VAV2: variants seen among roughly 807,000 people sequenced by gnomAD.
The protein encoded by VAV2 is vav guanine nucleotide exchange factor 2.
In VAV2, 67 loss-of-function variants were observed where a neutral mutation model predicts 132.5. The ratio of observed to expected loss-of-function variants is 0.51; its 90% CI spans 0.42 to 0.62. The LOEUF (loss-of-function observed/expected upper bound fraction) is 0.62, where lower values mean the gene tolerates loss of function less well. VAV2 is among the 20% of genes least tolerant of loss of function. VAV2 has a pLI of 0.00. For synonymous variants in VAV2, 492 were observed against 443.5 expected (o/e 1.11, Z -1.37); for missense variants, 938 against 1,153.6 (o/e 0.81, Z 2.71).
At chr9:133,907,642 G>A (rs931523226) in intron 2 of VAV2, among the ~76,000 whole-genome samples, 1 of 152,234 alleles carries the variant, frequency 6.6e-6, no homozygotes, top group Non-Finnish European at 1.5e-5. Flanking sequence ...CTCTGGAGGG[G>A]ACGCTGACAT....
At chr9:133,841,812 G>A (rs1036846271) in intron 3 of VAV2, among the ~76,000 whole-genome samples, 9 of 152,210 alleles carry the variant, frequency 5.9e-5, no homozygotes, top group South Asian at 2.1e-4. Context: ...AAGACCAAGG[G>A]AGATGGTGCA....
chr9:133,780,011 C>G, intron 20 of VAV2, 72 bp from the exon 21 acceptor site: 1 of 1,591,654 alleles, frequency 6.3e-7, no homozygotes, highest in African/African-American at 1.3e-5. Context: ...CATCAACGCA[C>G]CCCGCCCTCC....
chr9:133,960,918 C>T (rs940171551), intron 1 of VAV2, among the ~76,000 whole-genome samples: 6 of 152,190 alleles, frequency 3.9e-5, no homozygotes, highest in African/African-American at 1.2e-4. Flanking sequence ...GAAGGGTGCT[C>T]GAGCCGGCCT....
At chr9:133,787,100 TC>T in intron 16 of VAV2, 145 bp downstream of exon 16, 1 of 878,770 alleles carries the variant, frequency 1.1e-6, no homozygotes, top group Non-Finnish European at 1.6e-6. Flanking sequence ...CATTTCATCA[TC>T]GGGAAAGGGA....
chr9:133,898,776 C>T (rs1169488893), intron 2 of VAV2, among the ~76,000 whole-genome samples: 2 of 149,846 alleles, frequency 1.3e-5, no homozygotes, highest in Non-Finnish European at 2.9e-5. Flanking sequence ...GTCAGAGCCA[C>T]CACAGGCCGT....
At chr9:133,779,319 G>C (rs1027537472) in intron 21 of VAV2, among the ~76,000 whole-genome samples, 2 of 152,222 alleles carry the variant, frequency 1.3e-5, no homozygotes, top group Non-Finnish European at 2.9e-5. Flanking sequence ...TGCCTCCAGG[G>C]AATGTGGAGG....
chr9:133,880,273 G>A (rs190936355), intron 2 of VAV2, among the ~76,000 whole-genome samples: 197 of 152,332 alleles, frequency 1.3e-3, no homozygotes, highest in East Asian at 1.9e-3. Flanking sequence ...CAGGCAGCAC[G>A]GGGAGGGAGA....
At chr9:133,790,118 G>C (rs1217282803) in intron 13 of VAV2, among the ~76,000 whole-genome samples, 4 of 152,224 alleles carry the variant, frequency 2.6e-5, no homozygotes, top group African/African-American at 4.8e-5. Context: ...TCAGAGCCAG[G>C]ACTGGGTACA....
rs543158041 is a variant in VAV2, at chr9:133,842,008, C to T, written c.381-7668G>A. Among the ~76,000 whole-genome samples, 3 of 152,312 alleles carry T rather than the reference C, an allele frequency of 2.0e-5. No homozygotes were observed. In the East Asian group the frequency reaches 5.8e-4, roughly 29 times the overall value. ...CGGCCCTGCCATGGCTCAGGCAGGG[C>T]ACCCCACTGAGCACTTCCTCCCACA... On this transcript the variant is annotated intron_variant, in intron 3 of 29. Transcript: ENST00000371850.
At chr9:133,932,919 C>T (rs909948137) in intron 2 of VAV2, among the ~76,000 whole-genome samples, 4 of 152,254 alleles carry the variant, frequency 2.6e-5, no homozygotes, top group Non-Finnish European at 5.9e-5. Context: ...CAGGCTGACT[C>T]ATGGTGGGTC....
intron 2 of VAV2, among the ~76,000 whole-genome samples, chr9:133,922,238 C>T (rs1840322816): frequency 6.6e-6 from 1 of 152,256 alleles, no homozygotes; most frequent in Non-Finnish European, 1.5e-5. Context: ...AGTCCTCCCT[C>T]TGGCTCTGTC....
At chr9:133,842,725 A>G (rs563962292) in intron 3 of VAV2, among the ~76,000 whole-genome samples, 11 of 152,350 alleles carry the variant, frequency 7.2e-5, no homozygotes, top group African/African-American at 2.4e-4. Context: ...CACCAGGTGC[A>G]GTGGCATCTC....
intron 2 of VAV2, among the ~76,000 whole-genome samples, chr9:133,892,083 A>G (rs920147384): frequency 1.2e-5 from 1 of 81,070 alleles, no homozygotes; most frequent in Admixed American, 1.4e-4. Context: ...TGTGGGGAGG[A>G]GGGGGAAGGA....
chr9:133,943,510 A>C (rs1633757), intron 1 of VAV2, among the ~76,000 whole-genome samples: 53,474 of 152,096 alleles, frequency 0.35, 10,321 homozygotes, highest in Non-Finnish European at 0.43. Flanking sequence ...GGGACCCCCC[A>C]CAAAGGCAGC....
intron 1 of VAV2, among the ~76,000 whole-genome samples, chr9:133,954,721 G>A (rs1406245689): frequency 1.3e-5 from 2 of 152,212 alleles, no homozygotes; most frequent in Non-Finnish European, 2.9e-5. Context: ...CATACATGTG[G>A]GGGTGCGCAG....
At chr9:133,886,063 G>A (rs982962881) in intron 2 of VAV2, among the ~76,000 whole-genome samples, 2 of 152,204 alleles carry the variant, frequency 1.3e-5, no homozygotes, top group Non-Finnish European at 2.9e-5. Context: ...GGCCCAGCCG[G>A]GCCCAGAGCC....
At chr9:133,845,895 G>A (rs1049160777) in intron 3 of VAV2, among the ~76,000 whole-genome samples, 1 of 152,176 alleles carries the variant, frequency 6.6e-6, no homozygotes. Context: ...CCGAGGTGGG[G>A]CCAGTCTCAG....
chr9:133,819,443 C>T (rs1267781662), intron 4 of VAV2, among the ~76,000 whole-genome samples: 33 of 141,218 alleles, frequency 2.3e-4, no homozygotes, highest in African/African-American at 8.6e-4. Flanking sequence ...AGCGAGGCTC[C>T]GTCTCAAAAA....
Position 133,828,356 on chromosome 9 carries a change from C to G in VAV2, c.449+5916G>C, listed in dbSNP as rs1368530117. ...GCCCACTGGGGCTGACCACTGAGCA[C>G]GGGCATCACCACCTACCGCTGCGCC... On this transcript the variant is annotated intron_variant, in intron 4 of 29. Coordinates refer to ENST00000371850, the MANE Select transcript of VAV2 (RefSeq NM_001134398.2). 5.0e-3 allele frequency among the ~76,000 whole-genome samples: 36 copies of G among 7,234 alleles called. 1 individual carries two copies. Among genetic ancestry groups the G allele is most frequent in the African/African-American group, 7.2e-3 (15 of 2,076 alleles). The allele number at this position is 7,234 out of a possible 152,430, so 4.7% of individuals were successfully genotyped here. A position where few individuals can be genotyped will look rare whatever the true frequency, so the allele number is the denominator to read the frequency against.
Sources: gnomAD v4.1 joint callset for allele counts (sites outside exome capture counted in the v4.1 genomes callset) on GRCh38, gnomAD v4.1.1 for gene constraint, MANE v1.5 for transcripts, NCBI Gene and HGNC (gene_info 2026-07-23, HGNC 2026-07-21) for gene names.